Variants in NAV1 observed in about 807,000 individuals in gnomAD.
The protein encoded by NAV1 is neuron navigator 1.
In NAV1, 18 loss-of-function variants were observed where a neutral mutation model predicts 175.2. The observed-to-expected ratio is 0.10, with a 90% confidence interval of 0.07 to 0.15. NAV1 has a LOEUF of 0.15. NAV1 is among the 10% of genes least tolerant of loss of function. The pLI is 1.00. For synonymous variants in NAV1, 897 were observed against 978.7 expected (o/e 0.92, Z 1.56); for missense variants, 1,731 against 2,436.6 (o/e 0.71, Z 6.10).
chr1:201,584,459 C>T (rs2102200144), intron 1 of NAV1, among the ~76,000 whole-genome samples: 1 of 152,302 alleles, frequency 6.6e-6, no homozygotes, highest in Middle Eastern at 3.4e-3. Flanking sequence ...CTCTGGTCTC[C>T]CATGTGACTG....
At chr1:201,624,402 G>GCCT (rs1281261877) in intron 1 of NAV1, among the ~76,000 whole-genome samples, 3 of 138,244 alleles carry the variant, frequency 2.2e-5, no homozygotes, top group Admixed American at 7.9e-5. Flanking sequence ...GGAGTACAGT[G>GCCT]GTGCGATCTC....
intron 1 of NAV1, among the ~76,000 whole-genome samples, chr1:201,558,742 G>A (rs1250753422): frequency 6.6e-6 from 1 of 151,892 alleles, no homozygotes; most frequent in African/African-American, 2.4e-5. Context: ...GAGCCACCGC[G>A]CCCGGCACAG....
intron 3 of NAV1, among the ~76,000 whole-genome samples, chr1:201,771,494 C>T (rs34858684): frequency 8.6e-6 from 1 of 116,258 alleles, no homozygotes; most frequent in Non-Finnish European, 1.7e-5. Context: ...AGCAAGACTT[C>T]GTCTAGAAAA....
At chr1:201,733,006 G>A (rs1672931196) in intron 3 of NAV1, among the ~76,000 whole-genome samples, 1 of 152,072 alleles carries the variant, frequency 6.6e-6, no homozygotes, top group Admixed American at 6.5e-5. Context: ...AGGAGGCGGA[G>A]GTTGCAGTGA....
At chr1:201,811,054 C>G (rs558172326) in intron 24 of NAV1, among the ~76,000 whole-genome samples, 2 of 152,276 alleles carry the variant, frequency 1.3e-5, no homozygotes, top group Admixed American at 6.5e-5. Flanking sequence ...GCACCTTCCT[C>G]CTCAGTTGGT....
At chr1:201,784,395 T>C (rs1172614694) in intron 7 of NAV1, among the ~76,000 whole-genome samples, 1 of 152,094 alleles carries the variant, frequency 6.6e-6, no homozygotes, top group Non-Finnish European at 1.5e-5. Context: ...TGACCTCAAG[T>C]GATCTGCCTA....
chr1:201,823,970 C>CTAAAAT (rs1382773616), exon 30 of NAV1: 133 of 152,252 alleles, frequency 8.7e-4, no homozygotes, highest in African/African-American at 3.0e-3. Context: ...ACATAGAAAC[C>CTAAAAT]CTGCATTTAG....
At chr1:201,545,481 G>A (rs1166067922) in intron 1 of NAV1, among the ~76,000 whole-genome samples, 2 of 151,972 alleles carry the variant, frequency 1.3e-5, no homozygotes, top group African/African-American at 4.8e-5. Flanking sequence ...GGCCAGGCTG[G>A]TCTCAAACTC....
chr1:201,821,420 G>T (rs1017300999), exon 30 of NAV1: 7 of 152,232 alleles, frequency 4.6e-5, no homozygotes, highest in African/African-American at 1.7e-4. Flanking sequence ...CTTTCCCATT[G>T]CCTTGAAGGT....
exon 1 of NAV1, chr1:201,648,479 C>T: frequency 8.1e-7 from 1 of 1,234,216 alleles, no homozygotes; most frequent in South Asian, 4.1e-5. Context: ...TTTCTTTCCC[C>T]TGCGCCCTCG....
intron 1 of NAV1, among the ~76,000 whole-genome samples, chr1:201,652,742 C>T (rs925168397): frequency 7.4e-5 from 11 of 147,926 alleles, no homozygotes; most frequent in Admixed American, 4.0e-4. Flanking sequence ...GTGATCAGAC[C>T]TGGAAAATGT....
exon 1 of NAV1, chr1:201,649,169 C>T: frequency 6.2e-7 from 1 of 1,612,222 alleles, no homozygotes; most frequent in South Asian, 1.1e-5. Context: ...TCGCGCCCAA[C>T]CTGGGAAAGC....
intron 2 of NAV1, among the ~76,000 whole-genome samples, chr1:201,605,051 T>A (rs375207855): frequency 0.14 from 20,889 of 152,108 alleles, 1,900 homozygotes; most frequent in Non-Finnish European, 0.2. Flanking sequence ...TTTGCTTTGT[T>A]GTTTTTACTG....
At chr1:201,612,313 G>A (rs1009198017) in intron 2 of NAV1, among the ~76,000 whole-genome samples, 1 of 152,132 alleles carries the variant, frequency 6.6e-6, no homozygotes, top group Non-Finnish European at 1.5e-5. Flanking sequence ...AAATTATCAG[G>A]CATGGTGGCA....
At chr1:201,669,650 G>A (rs1324069373) in intron 1 of NAV1, among the ~76,000 whole-genome samples, 1 of 152,226 alleles carries the variant, frequency 6.6e-6, no homozygotes, top group Non-Finnish European at 1.5e-5. Flanking sequence ...GGGAGAGTAA[G>A]TGAGAGAGGC....
At chr1:201,729,911 A>T (rs1436880984) in intron 3 of NAV1, among the ~76,000 whole-genome samples, 1 of 152,200 alleles carries the variant, frequency 6.6e-6, no homozygotes, top group Non-Finnish European at 1.5e-5. Flanking sequence ...CTTAAAAAAA[A>T]AATAAAAGAA....
chr1:201,802,642 T>G (rs1678009196), intron 15 of NAV1, among the ~76,000 whole-genome samples: 1 of 151,086 alleles, frequency 6.6e-6, no homozygotes, highest in Non-Finnish European at 1.5e-5. Context: ...TTAGTGGGCC[T>G]GGTGGCGGGT....
At chr1:201,692,272 A>G (rs1177606587) in intron 1 of NAV1, among the ~76,000 whole-genome samples, 1 of 152,224 alleles carries the variant, frequency 6.6e-6, no homozygotes, top group African/African-American at 2.4e-5. Flanking sequence ...GCTGTAGGGC[A>G]GAGCAGTGTC....
Position 201,787,593 on chromosome 1 carries a change from A to T in NAV1, c.2996-875A>T. On this transcript the variant is annotated intron_variant, in intron 9 of 29. Transcript: ENST00000367296. The surrounding 1 kb of genome is among the most constrained non-coding windows in gnomAD (Gnocchi z 4.3). ...GCAGAATGAGGGGCTGGGCTAAGCAATAATTACCTCAGGAATTTGAAAAGG... is the reference window on the plus strand; with the variant it reads ...GCAGAATGAGGGGCTGGGCTAAGCATTAATTACCTCAGGAATTTGAAAAGG... 2.2e-6 allele frequency: 1 copy of T among 452,766 alleles called. No homozygotes were observed. The highest frequency in any genetic ancestry group is 4.4e-6 in the Non-Finnish European group (1 of 224,826). The allele number at this position is 452,766 out of a possible 1,614,324, so 28.0% of individuals were successfully genotyped here.
Sources: gnomAD v4.1 joint callset for allele counts (sites outside exome capture counted in the v4.1 genomes callset) on GRCh38, gnomAD v4.1.1 for gene constraint, Gnocchi (gnomAD v3.1) non-coding constraint, MANE v1.5 for transcripts, NCBI Gene and HGNC (gene_info 2026-07-23, HGNC 2026-07-21) for gene names.